Variants in LCA5L observed in about 807,000 individuals in gnomAD.
LCA5L encodes lebercilin LCA5 like.
Under a neutral mutation model 45.4 loss-of-function variants are expected in LCA5L, and 35 were observed. The ratio of observed to expected loss-of-function variants is 0.77; its 90% CI spans 0.59 to 1.02. LCA5L has a LOEUF of 1.02. Among genes scored for constraint, LCA5L ranks in the 50% least tolerant of loss-of-function variants. The pLI, the probability that LCA5L is intolerant of heterozygous loss-of-function variation, is 0.00. For missense variants in LCA5L, 668 were observed against 761.6 expected, an observed-to-expected ratio of 0.88 and a Z score of 1.45; for synonymous variants, 233 against 264.7, an observed-to-expected ratio of 0.88 and a Z score of 1.16.
chr21:39,440,046 T>C (rs1020074411), intron 2 of LCA5L, among the ~76,000 whole-genome samples: 4 of 152,132 alleles, frequency 2.6e-5, no homozygotes, highest in African/African-American at 7.2e-5. Context: ...TGTGCATATA[T>C]ATCTATAAAT....
rs564336135 is a variant in LCA5L, at chr21:39,431,882, AAGGC to A, written c.-91-2675_-91-2672del. ...GTCAAATTTCTAAAACACATAGTAT[AAGGC>A]AGTGATCAATTCTACTATTGATCAC... is the stretch of plus-strand genomic sequence containing the variant. On this transcript the variant is annotated intron_variant, in intron 3 of 10. Transcript: ENST00000288350. 4.1e-3 allele frequency among the ~76,000 whole-genome samples: 628 copies of A among 152,294 alleles called. 5 individuals are homozygous for A. The highest frequency in any genetic ancestry group is 0.015 in the African/African-American group (610 of 41,554).
intron 5 of LCA5L, among the ~76,000 whole-genome samples, chr21:39,425,489 G>A (rs1181243756): frequency 6.6e-6 from 1 of 152,210 alleles, no homozygotes; most frequent in African/African-American, 2.4e-5. Flanking sequence ...GGCTATGGCT[G>A]AATATTAAGT....
At chr21:39,410,724 G>C (rs2039947008) in intron 8 of LCA5L, 1 of 419,960 alleles carries the variant, frequency 2.4e-6, no homozygotes, top group Non-Finnish European at 4.8e-6. Flanking sequence ...ATTATCAGTG[G>C]TTAGACTGTC....
At chr21:39,416,907 G>A (rs1252274561) in intron 7 of LCA5L, among the ~76,000 whole-genome samples, 13 of 152,124 alleles carry the variant, frequency 8.5e-5, no homozygotes, top group Admixed American at 8.5e-4. Context: ...TCTTTCTGTG[G>A]CTTTGTGCCA....
At chr21:39,426,451 G>T (rs1452257024) in intron 5 of LCA5L, among the ~76,000 whole-genome samples, 1 of 152,122 alleles carries the variant, frequency 6.6e-6, no homozygotes, top group Non-Finnish European at 1.5e-5. Flanking sequence ...ATAGATTCAA[G>T]ATCTCTTATT....
At position 39,428,442 on chromosome 21, in the gene LCA5L, C is replaced by T. The variant is rs1015753631; in HGVS notation, c.52G>A (p.Val18Met). The change falls in exon 5 of 11, where the codon GTG becomes ATG. Residue 18 changes from valine to methionine, a missense_variant. Val to Met is a conservative substitution (Grantham distance 21, BLOSUM62 1). Coordinates refer to ENST00000288350, the MANE Select transcript of LCA5L (RefSeq NM_152505.4). The part of the protein sequence containing the change: ...KTNIDEHFFG[V>M]ALENNRRSAA... The stretch of plus-strand genomic sequence containing the variant: ...GACCTCCTATTGTTTTCTAATGCCA[C>T]GCCGAAGAAATGCTCATCTATATTT... The T allele has an allele frequency of 7.4e-6, 12 of 1,611,060 alleles. No individual in the cohort carries two copies. Among genetic ancestry groups the T allele is most frequent in the Middle Eastern group, 1.6e-4 (1 of 6,076 alleles).
chr21:39,436,831 T>TA (rs1367177378), intron 2 of LCA5L, among the ~76,000 whole-genome samples: 1 of 152,158 alleles, frequency 6.6e-6, no homozygotes, highest in Non-Finnish European at 1.5e-5. Flanking sequence ...AAAAAAAACT[T>TA]ACTCAGCATG....
rs113222436 is a variant in LCA5L, at chr21:39,426,388, C to T, written c.322+1784G>A. Among the ~76,000 whole-genome samples, 38 of 152,294 alleles carry T rather than the reference C, an allele frequency of 2.5e-4. 1 individual carries two copies. Among genetic ancestry groups the T allele is most frequent in the Admixed American group, 1.7e-3 (26 of 15,294 alleles). ...TTGTAGAAAGTTTTATAAATGCCAA[C>T]TGCCCTCTTGCATGATCCCACAAAA... On this transcript the variant is annotated intron_variant, in intron 5 of 10. Transcript: ENST00000288350.
intron 2 of LCA5L, among the ~76,000 whole-genome samples, chr21:39,436,543 GT>G (rs909876463): frequency 6.6e-6 from 1 of 152,138 alleles, no homozygotes; most frequent in Non-Finnish European, 1.5e-5. Flanking sequence ...GTGCAGTGGT[GT>G]TAGCTCAGCT....
chr21:39,424,203 G>A (rs2074248342), intron 5 of LCA5L, among the ~76,000 whole-genome samples: 3 of 152,064 alleles, frequency 2.0e-5, no homozygotes, highest in Non-Finnish European at 4.4e-5. Context: ...AGTAGAGACG[G>A]AGTTTCACCA....
At position 39,423,444 on chromosome 21, in the gene LCA5L, T is replaced by G; in HGVS notation, c.369A>C (p.Ser123=). The change falls in exon 6 of 11, where the codon TCA becomes TCC. Residue 123 remains serine (S), a synonymous_variant. Coordinates refer to ENST00000288350, the MANE Select transcript of LCA5L (RefSeq NM_152505.4). ...TCATATGGATTTGAGAATTAAAGAG[T>G]GATGCATTCCAGGTGTGCTTTTTTT... ...SVEKKHTWNA[S]LFNSQIHMIA... 6.3e-7 allele frequency: 1 copy of G among 1,589,338 alleles called. No individual in the cohort carries two copies. Among genetic ancestry groups the G allele is most frequent in the Non-Finnish European group, 8.5e-7 (1 of 1,171,854 alleles).
Position 39,409,862 on chromosome 21 carries a change from G to C in LCA5L, c.1282+117C>G. On this transcript the variant is annotated intron_variant, in intron 10 of 10. Coordinates refer to ENST00000288350, the MANE Select transcript of LCA5L (RefSeq NM_152505.4). The surrounding 1 kb of genome is among the most constrained non-coding windows in gnomAD (Gnocchi z 4.2). ...GCCTGCCTTGGCCTCCCAAAGTGCT[G>C]GGATTACAGGTGCGAGCTGCCATGC... is the stretch of plus-strand genomic sequence containing the variant. 1.6e-6 allele frequency: 1 copy of C among 623,456 alleles called. No individual in the cohort carries two copies. The highest frequency in any genetic ancestry group is 2.0e-5 in the South Asian group (1 of 48,812). 38.6% of individuals were successfully genotyped at this position (623,456 alleles called of 1,614,324 possible).
intron 8 of LCA5L, chr21:39,411,142 T>C: frequency 3.2e-6 from 1 of 317,068 alleles, no homozygotes. Context: ...GGGATTCCAC[T>C]TACATGAAAT....
At chr21:39,440,899 G>T (rs553045995) in intron 2 of LCA5L, among the ~76,000 whole-genome samples, 10 of 152,282 alleles carry the variant, frequency 6.6e-5, no homozygotes, top group Admixed American at 2.0e-4. Context: ...TATAAATGTG[G>T]TATTATATAG....
intron 5 of LCA5L, among the ~76,000 whole-genome samples, chr21:39,426,407 C>T (rs1429170532): frequency 6.6e-6 from 1 of 152,140 alleles, no homozygotes; most frequent in Non-Finnish European, 1.5e-5. Flanking sequence ...TGCATGATCC[C>T]ACAAAAGCTT....
chr21:39,424,376 GA>G (rs1276526857), intron 5 of LCA5L, among the ~76,000 whole-genome samples: 4 of 152,132 alleles, frequency 2.6e-5, no homozygotes, highest in African/African-American at 7.2e-5. Context: ...AGCTCCTCAG[GA>G]AGCCTTGGCG....
At chr21:39,413,702 T>C (rs933803684) in intron 7 of LCA5L, 1 of 152,146 alleles carries the variant, frequency 6.6e-6, no homozygotes, top group African/African-American at 2.4e-5. Flanking sequence ...CCATGAAAAG[T>C]TGATCAGGTG....
chr21:39,442,112 G>C (rs1006305328), intron 2 of LCA5L, among the ~76,000 whole-genome samples: 2 of 152,192 alleles, frequency 1.3e-5, no homozygotes, highest in African/African-American at 2.4e-5. Context: ...TCCTGACAGC[G>C]ATCAGGGAAG....
At chr21:39,425,763 T>A (rs948602817) in intron 5 of LCA5L, 4 of 152,490 alleles carry the variant, frequency 2.6e-5, no homozygotes, top group African/African-American at 9.6e-5. Flanking sequence ...CTTCCAGCTC[T>A]TAGGTGCTCT....
Sources: allele counts gnomAD v4.1 joint callset (sites outside exome capture counted in the v4.1 genomes callset), GRCh38; gene constraint gnomAD v4.1.1; non-coding constraint Gnocchi (gnomAD v3.1); transcripts MANE v1.5; gene names NCBI Gene and HGNC (gene_info 2026-07-23, HGNC 2026-07-21).